The following HDGFL3 variants were observed in gnomAD, a reference collection of about 807,000 sequenced individuals.
HDGFL3 encodes HDGF like 3.
HDGFL3 carries 6 observed loss-of-function variants against 27.6 expected under a neutral mutation model. That is an observed-to-expected ratio of 0.22 (90% CI 0.12 to 0.43). The LOEUF is 0.43. Ranked by LOEUF, HDGFL3 falls within the 20% of genes least tolerant of loss-of-function variation. The pLI is 1.00. For missense variants in HDGFL3, 207 were observed against 250.1 expected (o/e 0.83, Z 1.16); for synonymous variants, 88 against 88.9 (o/e 0.99, Z 0.05).
At chr15:83,186,651 G>A (rs773098497) in intron 1 of HDGFL3, among the ~76,000 whole-genome samples, 23 of 152,020 alleles carry the variant, frequency 1.5e-4, no homozygotes, top group Non-Finnish European at 2.8e-4. Context: ...AATACTACAT[G>A]TTCTTACTTA....
At chr15:83,112,849 C>G (rs778069710) in exon 4 of HDGFL3, 1 of 1,614,162 alleles carries the variant, frequency 6.2e-7, no homozygotes, top group South Asian at 1.1e-5. Flanking sequence ...GGTAGCACTG[C>G]TGGCTCGTGT....
intron 2 of HDGFL3, among the ~76,000 whole-genome samples, chr15:83,161,720 C>A (rs1012944400): frequency 2.0e-5 from 3 of 152,116 alleles, no homozygotes; most frequent in Non-Finnish European, 4.4e-5. Context: ...TGTTCTAAAA[C>A]AAGTTGTAAT....
chr15:83,176,516 A>ATGGAC (rs2037313044), intron 1 of HDGFL3, among the ~76,000 whole-genome samples: 1 of 152,188 alleles, frequency 6.6e-6, no homozygotes. Context: ...CTGCAGCCCC[A>ATGGAC]TGGACTGGAG....
rs185158763 is a variant in HDGFL3 at position 83,207,713 on chromosome 15, C to G, written c.-299G>C. On this transcript the variant is annotated 5_prime_UTR_variant, in exon 1 of 6. Coordinates refer to ENST00000299633, the MANE Select transcript of HDGFL3 (RefSeq NM_016073.4). This position sits in a 1 kb window ranked among gnomAD's most constrained non-coding sequence, Gnocchi z 4.8. ...GCCGCCGCCGCCGCCGCCGCGCGCG[C>G]TGCTCACCAGCGCCGCGTCGCCTGC... 7.8e-5 allele frequency: 12 copies of G among 153,116 alleles called. No individual in the cohort carries two copies. In the East Asian group the frequency reaches 2.3e-3, roughly 29 times the overall value. 9.5% of individuals were successfully genotyped at this position (153,116 alleles called of 1,614,324 possible). A position where few individuals can be genotyped will look rare whatever the true frequency, so the allele number is the denominator to read the frequency against.
At chr15:83,190,070 G>A (rs1191611454) in intron 1 of HDGFL3, among the ~76,000 whole-genome samples, 1 of 151,946 alleles carries the variant, frequency 6.6e-6, no homozygotes, top group African/African-American at 2.4e-5. Flanking sequence ...TTAGCTGGGT[G>A]TGGTGGTGTG....
At chr15:83,162,910 G>A (rs1202705737) in intron 2 of HDGFL3, among the ~76,000 whole-genome samples, 2 of 152,100 alleles carry the variant, frequency 1.3e-5, no homozygotes, top group South Asian at 2.1e-4. Flanking sequence ...AACCATATCC[G>A]TTCCTAGTGT....
intron 3 of HDGFL3, chr15:83,115,987 C>A (rs758199585): frequency 2.2e-6 from 3 of 1,392,806 alleles, no homozygotes; most frequent in South Asian, 1.2e-5. Flanking sequence ...CAAAAGGCCA[C>A]AACCCAGATC....
rs2035987571 is a variant in HDGFL3, at chr15:83,128,728, A to T, written c.*10542T>A. On this transcript the variant is annotated 3_prime_UTR_variant, in exon 6 of 6. Transcript: ENST00000299633. ...CCCACAACCTCTCTTCCATTTTTTC[A>T]TTATCTGTTTAAATAGTCCAATTGC... 1 of 152,002 alleles carries T rather than the reference A, an allele frequency of 6.6e-6. No individual in the cohort carries two copies. 9.4% of individuals were successfully genotyped at this position (152,002 alleles called of 1,614,324 possible).
intron 4 of HDGFL3, among the ~76,000 whole-genome samples, chr15:83,156,998 T>C (rs1596551131): frequency 6.6e-6 from 1 of 152,192 alleles, no homozygotes; most frequent in East Asian, 1.9e-4. Flanking sequence ...CGCCCAGCCA[T>C]GATGCATTTC....
At chr15:83,154,823 C>A (rs2037008844) in intron 4 of HDGFL3, among the ~76,000 whole-genome samples, 1 of 152,100 alleles carries the variant, frequency 6.6e-6, no homozygotes, top group African/African-American at 2.4e-5. Flanking sequence ...GTTTGAGAAC[C>A]ATTATGCTAG....
intron 4 of HDGFL3, among the ~76,000 whole-genome samples, chr15:83,156,842 C>T (rs1359358586): frequency 1.3e-5 from 2 of 151,964 alleles, no homozygotes; most frequent in African/African-American, 4.8e-5. Context: ...TACAGGCGCC[C>T]GCCACCATGC....
chr15:83,165,612 T>A (rs1031147910), intron 1 of HDGFL3, among the ~76,000 whole-genome samples: 3 of 151,712 alleles, frequency 2.0e-5, no homozygotes, highest in African/African-American at 4.8e-5. Context: ...AGACACATTT[T>A]AAAAATCACT....
chr15:83,118,811 GAC>G (rs2034942774), intron 3 of HDGFL3, among the ~76,000 whole-genome samples: 4 of 152,174 alleles, frequency 2.6e-5, no homozygotes. Context: ...GAAAATTGAT[GAC>G]AGTGATTTTC....
chr15:83,182,423 C>T (rs1373393599), intron 1 of HDGFL3, among the ~76,000 whole-genome samples: 2 of 152,096 alleles, frequency 1.3e-5, no homozygotes, highest in Non-Finnish European at 2.9e-5. Flanking sequence ...CTGGAAATAG[C>T]CCAGGTGTCC....
chr15:83,115,812 T>C (rs2034609806), intron 3 of HDGFL3: 3 of 1,457,884 alleles, frequency 2.1e-6, no homozygotes, highest in Non-Finnish European at 2.9e-6. Flanking sequence ...TCCTGAGCTA[T>C]TGCTTTTTAA....
intron 1 of HDGFL3, among the ~76,000 whole-genome samples, chr15:83,187,078 T>A (rs2037451922): frequency 6.6e-6 from 1 of 152,156 alleles, no homozygotes; most frequent in Admixed American, 6.5e-5. Context: ...TTGGTGACTA[T>A]CTTTTCATGT....
chr15:83,126,852 A>G (rs752875343), downstream of HDGFL3: 4 of 1,603,514 alleles, frequency 2.5e-6, no homozygotes, highest in Non-Finnish European at 3.4e-6. Flanking sequence ...ATTCAGGTCA[A>G]GTAGTTATGA....
At chr15:83,158,291 T>C (rs1305947947) in intron 2 of HDGFL3, among the ~76,000 whole-genome samples, 1 of 152,230 alleles carries the variant, frequency 6.6e-6, no homozygotes, top group Admixed American at 6.5e-5. Flanking sequence ...AAATTATCAA[T>C]ATCTTCATTT....
chr15:83,135,779 T>C lies in HDGFL3; in HGVS notation c.*3491A>G, dbSNP rs941242533. On this transcript the variant is annotated 3_prime_UTR_variant, in exon 6 of 6. Coordinates refer to ENST00000299633, the MANE Select transcript of HDGFL3 (RefSeq NM_016073.4). ...TAAATTATAATTTGATTTAAAAAGG[T>C]TGCCTGCATGTACATTTGCCATTTT... 2 of 152,218 alleles carry C rather than the reference T, an allele frequency of 1.3e-5. No individual in the cohort carries two copies. The highest frequency in any genetic ancestry group is 4.8e-5 in the African/African-American group (2 of 41,462). The allele number at this position is 152,218 out of a possible 1,614,324, so 9.4% of individuals were successfully genotyped here.
Sources: allele counts gnomAD v4.1 joint callset (sites outside exome capture counted in the v4.1 genomes callset), GRCh38; gene constraint gnomAD v4.1.1; non-coding constraint Gnocchi (gnomAD v3.1); transcripts MANE v1.5; gene names NCBI Gene and HGNC (gene_info 2026-07-23, HGNC 2026-07-21).